Variants in NDUFAF2 observed in about 807,000 individuals in gnomAD.
NDUFAF2 encodes NADH:ubiquinone oxidoreductase complex assembly factor 2, also known as NADH dehydrogenase [ubiquinone] 1 alpha subcomplex assembly factor 2.
A neutral mutation model predicts 22.8 loss-of-function variants in NDUFAF2; 13 were observed. The ratio of observed to expected loss-of-function variants is 0.57; its 90% CI spans 0.37 to 0.91. The LOEUF (loss-of-function observed/expected upper bound fraction) is 0.91, where lower values mean the gene tolerates loss of function less well. NDUFAF2 is among the 40% of genes least tolerant of loss of function. The pLI is 0.01. For synonymous variants in NDUFAF2, 53 were observed against 64.2 expected, an observed-to-expected ratio of 0.83 and a Z score of 0.84; for missense variants, 162 against 195.2, an observed-to-expected ratio of 0.83 and a Z score of 1.01.
chr5:60,982,916 G>C (rs1393117218), intron 1 of NDUFAF2, among the ~76,000 whole-genome samples: 1 of 151,980 alleles, frequency 6.6e-6, no homozygotes, highest in Non-Finnish European at 1.5e-5. Context: ...TATATACCCA[G>C]TAATGGGATG....
chr5:61,037,127 C>T (rs142402764), intron 1 of NDUFAF2, among the ~76,000 whole-genome samples: 1 of 152,168 alleles, frequency 6.6e-6, no homozygotes, highest in East Asian at 1.9e-4. Flanking sequence ...AGACCACCAC[C>T]AAAAACAAAA....
chr5:60,986,171 A>G (rs1026876248), intron 1 of NDUFAF2, among the ~76,000 whole-genome samples: 3 of 152,236 alleles, frequency 2.0e-5, no homozygotes, highest in Non-Finnish European at 2.9e-5. Flanking sequence ...GGAAATCAGT[A>G]TATCAAAGAG....
At chr5:61,035,455 T>C (rs61324806) in intron 1 of NDUFAF2, among the ~76,000 whole-genome samples, 26 of 120,868 alleles carry the variant, frequency 2.2e-4, no homozygotes, top group Non-Finnish European at 1.4e-4. Flanking sequence ...TTTTTTTTGG[T>C]AAAGGGCTTT....
At chr5:61,122,122 C>T (rs1305347636) in intron 3 of NDUFAF2, among the ~76,000 whole-genome samples, 9 of 152,104 alleles carry the variant, frequency 5.9e-5, no homozygotes, top group East Asian at 1.9e-4. Context: ...TGAGCCACTG[C>T]GCCCGGCCTG....
rs148637794 is a variant in NDUFAF2 at position 61,152,950 on chromosome 5, C to G, written c.505C>G (p.Gln169Glu). 3 of 1,613,760 alleles carry G rather than the reference C, an allele frequency of 1.9e-6. No individual in the cohort carries two copies. The highest frequency in any genetic ancestry group is 2.5e-6 in the Non-Finnish European group (3 of 1,179,806). ...WMPRDGKSHN[Q>E] ...GCCACGAGATGGCAAGAGCCACAAT[C>G]AATGAATGCATTATGGTCAAATCTT... is the stretch of plus-strand genomic sequence containing the variant. The change falls in exon 4 of 4, where the codon CAA becomes GAA. Residue 169 changes from glutamine to glutamate, a missense_variant. By Grantham distance (29) the Gln-to-Glu change is conservative. Coordinates refer to ENST00000296597, the MANE Select transcript of NDUFAF2 (RefSeq NM_174889.5).
intron 1 of NDUFAF2, among the ~76,000 whole-genome samples, chr5:60,985,800 C>T (rs1041497952): frequency 3.3e-5 from 5 of 152,116 alleles, no homozygotes; most frequent in African/African-American, 4.8e-5. Context: ...AGGAAGGACC[C>T]GCCCCTATAA....
intron 2 of NDUFAF2, among the ~76,000 whole-genome samples, chr5:61,097,154 A>C (rs1014888671): frequency 6.6e-6 from 1 of 152,042 alleles, no homozygotes. Context: ...CACCCCCACA[A>C]ACCATTCAGT....
intron 2 of NDUFAF2, among the ~76,000 whole-genome samples, chr5:61,095,988 C>A (rs1313047847): frequency 6.6e-6 from 1 of 152,124 alleles, no homozygotes; most frequent in Non-Finnish European, 1.5e-5. Flanking sequence ...TTCTAGTCGT[C>A]CATCTTGGCC....
chr5:60,967,833 G>A (rs1421694856), intron 1 of NDUFAF2, among the ~76,000 whole-genome samples: 1 of 150,260 alleles, frequency 6.7e-6, no homozygotes, highest in Non-Finnish European at 1.5e-5. Context: ...TCTGGCCTTG[G>A]TATCTAGTAA....
intron 1 of NDUFAF2, among the ~76,000 whole-genome samples, chr5:61,008,898 G>T (rs148351363): frequency 1.3e-5 from 2 of 151,864 alleles, no homozygotes. Flanking sequence ...TGAACTAACC[G>T]CCTTCCTTGT....
Position 61,120,055 on chromosome 5 carries a change from C to T in NDUFAF2, c.258+21023C>T, listed in dbSNP as rs116309582. Among the ~76,000 whole-genome samples, 319 of 152,180 alleles carry T rather than the reference C, an allele frequency of 2.1e-3. 3 individuals carry two copies. The highest frequency in any genetic ancestry group is 6.0e-3 in the African/African-American group (251 of 41,522). ...GGTACATAATTGTAATTTTTGAAAA[C>T]TTACTCTTTTGTATTCTGCTGTTTT... is the stretch of plus-strand genomic sequence containing the variant. On this transcript the variant is annotated intron_variant, in intron 3 of 3. Transcript: ENST00000296597.
At chr5:61,115,076 C>CT (rs1369567454) in intron 3 of NDUFAF2, 1 of 152,242 alleles carries the variant, frequency 6.6e-6, no homozygotes, top group African/African-American at 2.4e-5. Context: ...CCTTAGGAAT[C>CT]TATCTGTTGC....
At chr5:61,015,416 G>A (rs928778151) in intron 1 of NDUFAF2, among the ~76,000 whole-genome samples, 1 of 152,012 alleles carries the variant, frequency 6.6e-6, no homozygotes, top group Non-Finnish European at 1.5e-5. Context: ...TGAGTAGCTG[G>A]GACTACAGGT....
At chr5:61,070,596 TACACACACACAC>T (rs10651718) in intron 1 of NDUFAF2, among the ~76,000 whole-genome samples, 4 of 147,974 alleles carry the variant, frequency 2.7e-5, no homozygotes, top group Admixed American at 6.8e-5. Context: ...TGTCTTTGCA[TACACACACACAC>T]ACACACACAC....
intron 3 of NDUFAF2, among the ~76,000 whole-genome samples, chr5:61,121,865 C>G (rs1476875814): frequency 7.1e-6 from 1 of 141,688 alleles, no homozygotes; most frequent in Non-Finnish European, 1.5e-5. Context: ...CAGTCTTGCT[C>G]TGTTACCAAG....
At chr5:60,962,710 G>C (rs1206891277) in intron 1 of NDUFAF2, among the ~76,000 whole-genome samples, 1 of 151,480 alleles carries the variant, frequency 6.6e-6, no homozygotes, top group South Asian at 2.1e-4. Flanking sequence ...GCACGCGCCT[G>C]TAGTCCCAGC....
intron 3 of NDUFAF2, among the ~76,000 whole-genome samples, chr5:61,120,157 C>G (rs948430776): frequency 6.6e-6 from 1 of 152,126 alleles, no homozygotes. Flanking sequence ...CCGCTTTTCT[C>G]TATGTACCTT....
intron 3 of NDUFAF2, among the ~76,000 whole-genome samples, chr5:61,112,014 C>G (rs1055570628): frequency 1.3e-5 from 2 of 152,092 alleles, no homozygotes; most frequent in African/African-American, 4.8e-5. Flanking sequence ...ACCTTGGCCT[C>G]CCAAAGACCT....
chr5:61,008,657 C>T (rs1287311148), intron 1 of NDUFAF2, among the ~76,000 whole-genome samples: 1 of 152,094 alleles, frequency 6.6e-6, no homozygotes, highest in Non-Finnish European at 1.5e-5. Context: ...ATTATTATTA[C>T]CACCTTTATC....
Sources: allele counts gnomAD v4.1 joint callset (sites outside exome capture counted in the v4.1 genomes callset), GRCh38; gene constraint gnomAD v4.1.1; transcripts MANE v1.5; gene names NCBI Gene and HGNC (gene_info 2026-07-23, HGNC 2026-07-21).